GPC3: variants seen among roughly 807,000 people sequenced by gnomAD.
The protein encoded by GPC3 is glypican 3.
Under a neutral mutation model 34.4 loss-of-function variants are expected in GPC3, and 3 were observed. The ratio of observed to expected loss-of-function variants is 0.09; its 90% CI spans 0.04 to 0.23. The LOEUF (loss-of-function observed/expected upper bound fraction) is 0.23, where lower values mean the gene tolerates loss of function less well. Among genes scored for constraint, GPC3 ranks in the 10% least tolerant of loss-of-function variants. GPC3 has a pLI of 1.00. For synonymous variants in GPC3, 177 were observed against 174.0 expected (o/e 1.02, Z -0.13); for missense variants, 351 against 445.6 (o/e 0.79, Z 1.91).
chrX:133,551,381 G>T (rs1202123209), intron 7 of GPC3, among the ~76,000 whole-genome samples: 2 of 112,058 alleles, frequency 1.8e-5, no homozygotes, highest in Non-Finnish European at 3.8e-5. Context: ...ATACAATTAT[G>T]TGCTGGCACA....
intron 6 of GPC3, among the ~76,000 whole-genome samples, chrX:133,653,124 G>A (rs2070618950): frequency 8.9e-6 from 1 of 112,065 alleles, no homozygotes; most frequent in Non-Finnish European, 1.9e-5. Context: ...CTCAAATTAC[G>A]AAATGGCTCA....
intron 2 of GPC3, among the ~76,000 whole-genome samples, chrX:133,951,047 AGTGTGT>A (rs373690687): frequency 0.031 from 2,412 of 76,672 alleles, 86 homozygotes; most frequent in African/African-American, 0.098. Context: ...AATTCAAGAA[AGTGTGT>A]GTGTGTGTGT....
chrX:133,694,135 C>A (rs996750018), intron 4 of GPC3, among the ~76,000 whole-genome samples: 3 of 110,335 alleles, frequency 2.7e-5, no homozygotes, highest in Non-Finnish European at 5.7e-5. Flanking sequence ...TCTGTTACAG[C>A]AACATAAAAC....
chrX:133,819,737 A>G lies in GPC3; in HGVS notation c.338-65561T>C, dbSNP rs755246109. Among the ~76,000 whole-genome samples the G allele has an allele frequency of 2.7e-5, 3 of 111,955 alleles. No individual in the cohort carries two copies. In the South Asian group the frequency reaches 1.1e-3, roughly 42 times the overall value. ...TGGGCAAGTTACTTAGCCTCTCTGT[A>G]AATCAATAGCAGGCTAAGTGACAAG... On this transcript the variant is annotated intron_variant, in intron 2 of 7. Transcript: ENST00000370818.
At chrX:133,865,915 C>T (rs1436758356) in intron 2 of GPC3, among the ~76,000 whole-genome samples, 1 of 112,148 alleles carries the variant, frequency 8.9e-6, no homozygotes, top group African/African-American at 3.2e-5. Flanking sequence ...GCTTAAGTAG[C>T]TCTTTAAAGT....
chrX:133,842,933 A>T (rs1334919378), intron 2 of GPC3, among the ~76,000 whole-genome samples: 1 of 111,268 alleles, frequency 9.0e-6, no homozygotes, highest in Non-Finnish European at 1.9e-5. Flanking sequence ...ACTTCCAAGT[A>T]TAGGCCAAAA....
intron 2 of GPC3, among the ~76,000 whole-genome samples, chrX:133,799,576 TTGTACG>T (rs2075598853): frequency 1.8e-5 from 2 of 111,537 alleles, no homozygotes; most frequent in Admixed American, 9.6e-5. Flanking sequence ...TACATAGCTT[TTGTACG>T]TGCTGTTTAT....
intron 2 of GPC3, among the ~76,000 whole-genome samples, chrX:133,755,943 A>G (rs1265688348): frequency 8.9e-6 from 1 of 112,158 alleles, no homozygotes; most frequent in Non-Finnish European, 1.9e-5. Flanking sequence ...CATTCATTTT[A>G]ATTTCAGCTA....
intron 5 of GPC3, among the ~76,000 whole-genome samples, chrX:133,671,689 T>TA (rs745595189): frequency 8.9e-6 from 1 of 111,998 alleles, no homozygotes; most frequent in Non-Finnish European, 1.9e-5. Flanking sequence ...TTTCTTTTTT[T>TA]ATTATACTTT....
chrX:133,981,489 A>G (rs902401390), intron 1 of GPC3, among the ~76,000 whole-genome samples: 15 of 112,466 alleles, frequency 1.3e-4, no homozygotes, highest in African/African-American at 4.9e-4. Flanking sequence ...TGTACTATTC[A>G]GACCACATTT....
At chrX:133,912,536 A>AG (rs1393792542) in intron 2 of GPC3, among the ~76,000 whole-genome samples, 11 of 105,173 alleles carry the variant, frequency 1.0e-4, no homozygotes, top group African/African-American at 3.9e-4. Context: ...TGGTGGGGGA[A>AG]GGGGGGTGCG....
chrX:133,536,739 G>T (rs1013104134), intron 7 of GPC3, among the ~76,000 whole-genome samples: 11 of 111,031 alleles, frequency 9.9e-5, no homozygotes, highest in African/African-American at 3.3e-4. Flanking sequence ...ATGTGTGCTG[G>T]TGGGGAGGGG....
chrX:133,895,443 G>A (rs1250082663), intron 2 of GPC3, among the ~76,000 whole-genome samples: 1 of 111,185 alleles, frequency 9.0e-6, no homozygotes, highest in African/African-American at 3.3e-5. Flanking sequence ...AAAGAGATTC[G>A]GTTCCATCAA....
chrX:133,804,127 A>G (rs920943327), intron 2 of GPC3, among the ~76,000 whole-genome samples: 1 of 111,230 alleles, frequency 9.0e-6, no homozygotes, highest in African/African-American at 3.3e-5. Context: ...TCCTCAAAAT[A>G]TATCTCTCAA....
intron 5 of GPC3, among the ~76,000 whole-genome samples, chrX:133,670,589 C>T (rs1020909524): frequency 1.4e-4 from 16 of 111,933 alleles, no homozygotes; most frequent in Admixed American, 8.6e-4. Context: ...ATTCTCAGAG[C>T]GCCATCTTAT....
intron 2 of GPC3, chrX:133,762,992 T>C: frequency 2.8e-6 from 2 of 723,609 alleles, no homozygotes; most frequent in Non-Finnish European, 4.3e-6. Context: ...CGTACCATTG[T>C]TGCCATTGAA....
At chrX:133,676,797 C>T (rs1009803891) in intron 5 of GPC3, among the ~76,000 whole-genome samples, 4 of 112,068 alleles carry the variant, frequency 3.6e-5, no homozygotes, top group African/African-American at 1.3e-4. Context: ...CACAGCCATG[C>T]ACACAAGGAC....
intron 6 of GPC3, among the ~76,000 whole-genome samples, chrX:133,624,588 C>G (rs1291782943): frequency 9.0e-6 from 1 of 111,533 alleles, no homozygotes; most frequent in Non-Finnish European, 1.9e-5. Flanking sequence ...TGGACACATA[C>G]ACCCTCCCAA....
At chrX:133,775,743 A>C (rs954466005) in intron 2 of GPC3, among the ~76,000 whole-genome samples, 50 of 111,850 alleles carry the variant, frequency 4.5e-4, no homozygotes, top group African/African-American at 1.5e-3. Context: ...CACTTTGAAA[A>C]AGAGATACCT....
Sources: gnomAD v4.1 joint callset for allele counts (sites outside exome capture counted in the v4.1 genomes callset) on GRCh38, gnomAD v4.1.1 for gene constraint, MANE v1.5 for transcripts, NCBI Gene and HGNC (gene_info 2026-07-23, HGNC 2026-07-21) for gene names.